Variants in WDR7 observed in about 807,000 individuals in gnomAD.
WDR7 encodes WD repeat domain 7, also known as WD repeat-containing protein 7.
In WDR7, 46 loss-of-function variants were observed where a neutral mutation model predicts 169.4. The ratio of observed to expected loss-of-function variants is 0.27; its 90% CI spans 0.21 to 0.35. The LOEUF is 0.35. Ranked by LOEUF, WDR7 falls within the 10% of genes least tolerant of loss-of-function variation. The probability of loss-of-function intolerance (pLI) is 1.00; values close to 1 mark genes in which losing one functional copy is unlikely to be tolerated. For missense variants in WDR7, 1,534 were observed against 1,859.3 expected (o/e 0.83, Z 3.22); for synonymous variants, 612 against 666.8 (o/e 0.92, Z 1.27).
chr18:56,831,611 T>G (rs2045310074), intron 20 of WDR7, among the ~76,000 whole-genome samples: 1 of 151,850 alleles, frequency 6.6e-6, no homozygotes, highest in Admixed American at 6.6e-5. Flanking sequence ...GGTGGGTGAT[T>G]TCTGCATTTC....
intron 20 of WDR7, among the ~76,000 whole-genome samples, chr18:56,843,575 G>C (rs1448733032): frequency 1.3e-5 from 2 of 152,162 alleles, no homozygotes; most frequent in Non-Finnish European, 2.9e-5. Flanking sequence ...GAGTGGATCT[G>C]TCATTCTACA....
intron 21 of WDR7, among the ~76,000 whole-genome samples, chr18:56,904,665 A>G (rs1441160225): frequency 2.0e-5 from 3 of 152,162 alleles, no homozygotes; most frequent in Non-Finnish European, 4.4e-5. Context: ...TTCCTGACAG[A>G]AAGAAAGAAT....
intron 26 of WDR7, among the ~76,000 whole-genome samples, chr18:56,991,286 A>G (rs2047814551): frequency 6.6e-6 from 1 of 151,870 alleles, no homozygotes; most frequent in Admixed American, 6.6e-5. Context: ...AGCTGGGACT[A>G]CAGGCGTCCG....
intron 19 of WDR7, among the ~76,000 whole-genome samples, chr18:56,794,304 ATTTTTTT>A (rs566857049): frequency 0.028 from 1,404 of 49,506 alleles, 71 homozygotes; most frequent in African/African-American, 0.088. Flanking sequence ...GGTAAAGTCT[ATTTTTTT>A]TTTTTTTTTT....
chr18:56,724,927 G>C (rs2026409199), intron 13 of WDR7, among the ~76,000 whole-genome samples: 1 of 152,056 alleles, frequency 6.6e-6, no homozygotes, highest in Non-Finnish European at 1.5e-5. Context: ...CCTTGCGATA[G>C]TTTGCTGAGA....
intron 21 of WDR7, among the ~76,000 whole-genome samples, chr18:56,900,009 G>A (rs2046379010): frequency 6.6e-6 from 1 of 150,528 alleles, no homozygotes; most frequent in African/African-American, 2.4e-5. Flanking sequence ...GCAAATAAGA[G>A]TACATCATGA....
intron 26 of WDR7, among the ~76,000 whole-genome samples, chr18:56,966,091 G>T (rs982845631): frequency 3.9e-5 from 6 of 152,202 alleles, no homozygotes; most frequent in African/African-American, 1.2e-4. Flanking sequence ...ATGGTGGTGG[G>T]CATAGTGACC....
At chr18:56,749,086 T>C (rs2043747765) in intron 14 of WDR7, among the ~76,000 whole-genome samples, 1 of 152,090 alleles carries the variant, frequency 6.6e-6, no homozygotes, top group South Asian at 2.1e-4. Context: ...AATTTGTTTT[T>C]ATTCAGTGAC....
intron 4 of WDR7, among the ~76,000 whole-genome samples, chr18:56,682,340 A>T (rs1459984598): frequency 6.6e-6 from 1 of 152,188 alleles, no homozygotes; most frequent in African/African-American, 2.4e-5. Flanking sequence ...AGCTGATTTT[A>T]TTCAGGTGTT....
intron 24 of WDR7, 133 bp downstream of exon 24, chr18:56,938,815 G>A (rs1281794572): frequency 3.2e-5 from 25 of 791,152 alleles, no homozygotes; most frequent in Non-Finnish European, 4.3e-5. Context: ...ATGAGTGTGT[G>A]TGTGTGTGTG....
At chr18:56,953,669 G>A (rs2047212559) in intron 25 of WDR7, among the ~76,000 whole-genome samples, 2 of 152,222 alleles carry the variant, frequency 1.3e-5, no homozygotes, top group African/African-American at 4.8e-5. Flanking sequence ...GAGTGTCCAG[G>A]ACACACAGAA....
chr18:56,971,734 A>C (rs528627361), intron 26 of WDR7, among the ~76,000 whole-genome samples: 69 of 152,206 alleles, frequency 4.5e-4, no homozygotes, highest in Non-Finnish European at 7.9e-4. Context: ...TTCCAGGCAG[A>C]AGGTATAACA....
chr18:56,869,239 T>G (rs2045921806), intron 20 of WDR7, among the ~76,000 whole-genome samples: 1 of 152,162 alleles, frequency 6.6e-6, no homozygotes, highest in Non-Finnish European at 1.5e-5. Context: ...GGAAAATAGC[T>G]TTGTCTATTT....
intron 9 of WDR7, 33 bp downstream of exon 9, chr18:56,691,850 AGTT>A: frequency 6.5e-7 from 1 of 1,539,018 alleles, no homozygotes; most frequent in Non-Finnish European, 8.9e-7. Flanking sequence ...TATAATTGAA[AGTT>A]ACATTGAAAA....
intron 20 of WDR7, among the ~76,000 whole-genome samples, chr18:56,869,524 C>T (rs1255111742): frequency 6.6e-6 from 1 of 152,080 alleles, no homozygotes; most frequent in African/African-American, 2.4e-5. Context: ...AAAACATTGG[C>T]AGATGTGTCA....
At chr18:56,776,939 G>A (rs2044251407) in intron 17 of WDR7, 59 bp downstream of exon 17, 2 of 1,457,318 alleles carry the variant, frequency 1.4e-6, no homozygotes, top group African/African-American at 1.4e-5. Flanking sequence ...TGACAGACAT[G>A]TTCTTTTTAT....
At chr18:56,656,279 GTTT>G (rs1217856567) in intron 1 of WDR7, among the ~76,000 whole-genome samples, 5 of 132,630 alleles carry the variant, frequency 3.8e-5, no homozygotes, top group Admixed American at 7.7e-5. Context: ...TACTGTCACT[GTTT>G]TTTTTTTTTT....
intron 20 of WDR7, among the ~76,000 whole-genome samples, chr18:56,834,310 G>A (rs957825507): frequency 6.6e-6 from 1 of 152,182 alleles, no homozygotes; most frequent in Non-Finnish European, 1.5e-5. Flanking sequence ...CCACTGGTTA[G>A]TAGTAAGTCA....
chr18:56,800,985 T>A (rs2145157796), intron 19 of WDR7, among the ~76,000 whole-genome samples: 1 of 152,316 alleles, frequency 6.6e-6, no homozygotes, highest in South Asian at 2.1e-4. Context: ...CATATGTATG[T>A]GCACTAGCCC....
Sources: gnomAD v4.1 joint callset for allele counts (sites outside exome capture counted in the v4.1 genomes callset) on GRCh38, gnomAD v4.1.1 for gene constraint, MANE v1.5 for transcripts, NCBI Gene and HGNC (gene_info 2026-07-23, HGNC 2026-07-21) for gene names.